PRKACB: variants seen among roughly 807,000 people sequenced by gnomAD.
PRKACB encodes protein kinase cAMP-activated catalytic subunit beta, also known as cAMP-dependent protein kinase catalytic subunit beta.
A neutral mutation model predicts 51.4 loss-of-function variants in PRKACB; 16 were observed. The ratio of observed to expected loss-of-function variants is 0.31; its 90% CI spans 0.21 to 0.47. PRKACB has a LOEUF of 0.47. Ranked by LOEUF, PRKACB falls within the 20% of genes least tolerant of loss-of-function variation. The pLI, the probability that PRKACB is intolerant of heterozygous loss-of-function variation, is 1.00. For synonymous variants in PRKACB, 147 were observed against 154.4 expected, an observed-to-expected ratio of 0.95 and a Z score of 0.35; for missense variants, 309 against 464.5, an observed-to-expected ratio of 0.67 and a Z score of 3.08.
At chr1:84,121,610 A>G (rs1488562162) in intron 1 of PRKACB, among the ~76,000 whole-genome samples, 4 of 152,132 alleles carry the variant, frequency 2.6e-5, no homozygotes, top group African/African-American at 4.8e-5. Context: ...AGAGACAGCA[A>G]TCTCAACCAA....
intron 1 of PRKACB, chr1:84,175,728 T>C: frequency 7.2e-7 from 1 of 1,389,644 alleles, no homozygotes; most frequent in Admixed American, 2.6e-5. Context: ...ATAAAAATTG[T>C]CTCTCTTTTT....
At chr1:84,197,900 T>C in intron 7 of PRKACB, 76 bp downstream of exon 7, 1 of 1,002,500 alleles carries the variant, frequency 1.0e-6, no homozygotes, top group Non-Finnish European at 1.5e-6. Context: ...AAAAACAGTT[T>C]ATTGATCTAA....
At chr1:84,099,596 C>G (rs1348152634) in intron 1 of PRKACB, among the ~76,000 whole-genome samples, 1 of 151,750 alleles carries the variant, frequency 6.6e-6, no homozygotes, top group Non-Finnish European at 1.5e-5. Flanking sequence ...TAGGAGCTAG[C>G]TACTTAGGGG....
intron 1 of PRKACB, chr1:84,173,468 GT>G: frequency 1.1e-6 from 1 of 897,036 alleles, no homozygotes. Context: ...TTACAATTCT[GT>G]TTACTGAAAA....
chr1:84,185,663 A>G (rs1161580425), intron 5 of PRKACB, among the ~76,000 whole-genome samples: 4 of 152,020 alleles, frequency 2.6e-5, no homozygotes, highest in Non-Finnish European at 5.9e-5. Flanking sequence ...AGTTTTTAAA[A>G]TATACACATA....
intron 8 of PRKACB, among the ~76,000 whole-genome samples, chr1:84,209,502 G>A (rs1405692218): frequency 6.6e-6 from 1 of 151,914 alleles, no homozygotes; most frequent in African/African-American, 2.4e-5. Flanking sequence ...TTTTTGCTTT[G>A]TCTTTAGAAT....
At chr1:84,128,633 T>A (rs1651874133) in intron 1 of PRKACB, among the ~76,000 whole-genome samples, 1 of 152,202 alleles carries the variant, frequency 6.6e-6, no homozygotes. Context: ...GTAATACAGT[T>A]TACAAAGAAA....
At chr1:84,213,896 A>C (rs1672493713) in intron 8 of PRKACB, among the ~76,000 whole-genome samples, 6 of 152,138 alleles carry the variant, frequency 3.9e-5, no homozygotes. Flanking sequence ...TTTTCTGGAG[A>C]CTGCTCCATG....
chr1:84,120,732 T>C (rs533272651), intron 1 of PRKACB, among the ~76,000 whole-genome samples: 16 of 152,228 alleles, frequency 1.1e-4, no homozygotes, highest in African/African-American at 3.8e-4. Flanking sequence ...AAGTATCTCA[T>C]AGTTTAATTG....
At chr1:84,218,768 A>G (rs1673235326) in intron 9 of PRKACB, among the ~76,000 whole-genome samples, 1 of 152,210 alleles carries the variant, frequency 6.6e-6, no homozygotes, top group Non-Finnish European at 1.5e-5. Context: ...ACAGTGTATA[A>G]GAATTCCCTT....
At chr1:84,189,274 A>G (rs1004941266) in intron 5 of PRKACB, among the ~76,000 whole-genome samples, 3 of 151,890 alleles carry the variant, frequency 2.0e-5, no homozygotes, top group South Asian at 2.1e-4. Context: ...GAAGAGGACT[A>G]TCTTGAGCAG....
intron 1 of PRKACB, among the ~76,000 whole-genome samples, chr1:84,172,905 G>T (rs531096457): frequency 6.6e-6 from 1 of 151,632 alleles, no homozygotes; most frequent in African/African-American, 2.4e-5. Flanking sequence ...AATCATCTTA[G>T]AAATCAAAGG....
At chr1:84,164,435 A>C in intron 1 of PRKACB, 1 of 1,567,046 alleles carries the variant, frequency 6.4e-7, no homozygotes, top group Non-Finnish European at 8.7e-7. Context: ...GAGTATTTGA[A>C]GAAAACAGCA....
At chr1:84,188,214 A>G (rs1665742707) in intron 5 of PRKACB, among the ~76,000 whole-genome samples, 2 of 40,858 alleles carry the variant, frequency 4.9e-5, no homozygotes, top group African/African-American at 1.4e-4. Flanking sequence ...AGAACTAACA[A>G]TGTAACAATG....
upstream of PRKACB, among the ~76,000 whole-genome samples, chr1:84,143,526 G>T (rs1335529459): frequency 1.3e-5 from 2 of 152,110 alleles, no homozygotes. Context: ...TCAGTGGTAA[G>T]GTTTTAAAAT....
intron 1 of PRKACB, among the ~76,000 whole-genome samples, chr1:84,090,152 C>T (rs1648337424): frequency 1.3e-5 from 2 of 152,194 alleles, no homozygotes. Context: ...CTCTGTCTCT[C>T]ATTCTTCACA....
At chr1:84,115,959 G>A (rs1208380950) in intron 1 of PRKACB, among the ~76,000 whole-genome samples, 1 of 147,642 alleles carries the variant, frequency 6.8e-6, no homozygotes, top group Non-Finnish European at 1.5e-5. Context: ...TTTTTCCTAG[G>A]TTTTCTTCTA....
chr1:84,218,342 G>A (rs1673174694), intron 9 of PRKACB, among the ~76,000 whole-genome samples: 1 of 152,108 alleles, frequency 6.6e-6, no homozygotes, highest in African/African-American at 2.4e-5. Context: ...GCCTCTGGTA[G>A]CTGTCATTCT....
chr1:84,099,341 ATGT>A (rs1375492032), intron 1 of PRKACB, among the ~76,000 whole-genome samples: 5 of 150,662 alleles, frequency 3.3e-5, no homozygotes, highest in East Asian at 3.9e-4. Flanking sequence ...TTTTTAATTA[ATGT>A]TGTATAGTCG....
Sources: gnomAD v4.1 joint callset for allele counts (sites outside exome capture counted in the v4.1 genomes callset) on GRCh38, gnomAD v4.1.1 for gene constraint, MANE v1.5 for transcripts, NCBI Gene and HGNC (gene_info 2026-07-23, HGNC 2026-07-21) for gene names.